Variants in SCOC observed in about 807,000 individuals in gnomAD.
SCOC encodes the protein short coiled-coil protein.
In SCOC, 7 loss-of-function variants were observed where a neutral mutation model predicts 9.9. That is an observed-to-expected ratio of 0.71 (90% CI 0.40 to 1.33). The LOEUF is 1.33. Ranked by LOEUF, SCOC falls within the 40% of genes most tolerant of loss-of-function variation. The pLI is 0.01. For synonymous variants in SCOC, 19 were observed against 28.2 expected, an observed-to-expected ratio of 0.67 and a Z score of 1.03; for missense variants, 66 against 89.7, an observed-to-expected ratio of 0.74 and a Z score of 1.07.
chr4:140,377,936 A>G (rs139705137), intron 1 of SCOC, among the ~76,000 whole-genome samples: 61 of 152,332 alleles, frequency 4.0e-4, no homozygotes, highest in African/African-American at 1.4e-3. Context: ...GCTTCAATGT[A>G]GTAGATTAGA....
intron 1 of SCOC, among the ~76,000 whole-genome samples, chr4:140,320,065 T>A (rs115924197): frequency 1.3e-5 from 2 of 152,162 alleles, no homozygotes; most frequent in South Asian, 2.1e-4. Context: ...TGTTCCCAGA[T>A]GGTTAGGCAT....
intron 1 of SCOC, among the ~76,000 whole-genome samples, chr4:140,299,294 A>G (rs1731745600): frequency 6.6e-6 from 1 of 152,240 alleles, no homozygotes; most frequent in Non-Finnish European, 1.5e-5. Flanking sequence ...AAAGTGTGGT[A>G]AAGCATAGGC....
chr4:140,271,240 A>G (rs1457981957), intron 1 of SCOC, among the ~76,000 whole-genome samples: 9 of 152,174 alleles, frequency 5.9e-5, no homozygotes, highest in Non-Finnish European at 4.4e-5. Flanking sequence ...GTGGGTCTTG[A>G]AAGTTGGATA....
intron 2 of SCOC, among the ~76,000 whole-genome samples, chr4:140,358,984 T>A (rs1337927462): frequency 1.3e-5 from 2 of 152,250 alleles, no homozygotes; most frequent in Admixed American, 1.3e-4. Flanking sequence ...AACATGTATA[T>A]AACATATTTT....
rs1319323410 is a variant in SCOC, at chr4:140,383,388, AC to A, written c.*2287del. Reference sequence around the variant, plus strand: ...ACTGATAGGCAAATTATTTGCTCTCACCCTTGCTGCTGCCCATTTATAATGT... The same window carrying A: ...ACTGATAGGCAAATTATTTGCTCTCACCTTGCTGCTGCCCATTTATAATGT... On this transcript the variant is annotated 3_prime_UTR_variant, in exon 4 of 4. Transcript: ENST00000608372. 6.6e-6 allele frequency: 1 copy of A among 152,168 alleles called. No individual in the cohort carries two copies. The highest frequency in any genetic ancestry group is 1.5e-5 in the Non-Finnish European group (1 of 68,022). The allele number at this position is 152,168 out of a possible 1,614,324, so 9.4% of individuals were successfully genotyped here.
At chr4:140,284,374 A>G (rs947458993) in intron 1 of SCOC, 1 of 152,182 alleles carries the variant, frequency 6.6e-6, no homozygotes, top group Non-Finnish European at 1.5e-5. Context: ...TGAGGCTGGG[A>G]AATTCACGGG....
intron 1 of SCOC, among the ~76,000 whole-genome samples, chr4:140,329,295 C>T (rs1442854933): frequency 6.6e-6 from 1 of 152,124 alleles, no homozygotes; most frequent in Non-Finnish European, 1.5e-5. Context: ...ATACAAAAAT[C>T]GACTCAAGGT....
chr4:140,307,131 C>A (rs1304146774), intron 1 of SCOC, among the ~76,000 whole-genome samples: 2 of 152,188 alleles, frequency 1.3e-5, no homozygotes, highest in Non-Finnish European at 2.9e-5. Context: ...AGCAGACCCT[C>A]ACCAGACATC....
At chr4:140,354,414 C>T (rs967851404) in intron 2 of SCOC, among the ~76,000 whole-genome samples, 8 of 151,564 alleles carry the variant, frequency 5.3e-5, no homozygotes, top group Admixed American at 2.0e-4. Context: ...CTAACCGCTA[C>T]ATTTCTCAGC....
intron 1 of SCOC, among the ~76,000 whole-genome samples, chr4:140,262,891 A>C (rs1307974043): frequency 6.6e-6 from 1 of 152,080 alleles, no homozygotes; most frequent in Non-Finnish European, 1.5e-5. Flanking sequence ...GACTTCTATC[A>C]GGAAACAGCC....
intron 1 of SCOC, chr4:140,293,475 T>G: frequency 2.3e-6 from 1 of 443,804 alleles, no homozygotes. Context: ...GAGATGGAAA[T>G]GCCGGTCTGA....
chr4:140,333,600 C>G (rs1364258295), intron 1 of SCOC, among the ~76,000 whole-genome samples: 1 of 152,042 alleles, frequency 6.6e-6, no homozygotes, highest in Non-Finnish European at 1.5e-5. Flanking sequence ...AACTTATATA[C>G]TGACTAAAAG....
intron 1 of SCOC, among the ~76,000 whole-genome samples, chr4:140,332,359 CTTTTTTTTTTTTT>C (rs70943486): frequency 7.8e-5 from 6 of 76,778 alleles, no homozygotes; most frequent in African/African-American, 1.6e-4. Flanking sequence ...CTGGAGTCAT[CTTTTTTTTTTTTT>C]TTTTTTTTTT....
intron 1 of SCOC, among the ~76,000 whole-genome samples, chr4:140,310,462 A>G (rs1732118943): frequency 6.6e-6 from 1 of 152,148 alleles, no homozygotes; most frequent in African/African-American, 2.4e-5. Flanking sequence ...TAAATTCTGA[A>G]GAACAATAAA....
intron 1 of SCOC, among the ~76,000 whole-genome samples, chr4:140,281,380 C>T (rs185568272): frequency 6.6e-6 from 1 of 152,258 alleles, no homozygotes; most frequent in African/African-American, 2.4e-5. Context: ...GATTGAAAGA[C>T]TGATTTCTGG....
chr4:140,270,900 T>G (rs1392669704), intron 1 of SCOC, among the ~76,000 whole-genome samples: 1 of 152,122 alleles, frequency 6.6e-6, no homozygotes, highest in Non-Finnish European at 1.5e-5. Flanking sequence ...AAAGTTGAAA[T>G]CCTGAGAAGT....
intron 2 of SCOC, chr4:140,366,602 C>A (rs1296850885): frequency 1.9e-6 from 3 of 1,606,104 alleles, no homozygotes; most frequent in Non-Finnish European, 2.6e-6. Flanking sequence ...CGTGTGGCTG[C>A]CCATTTTGTA....
chr4:140,288,516 C>G (rs757280001), intron 1 of SCOC, among the ~76,000 whole-genome samples: 1 of 151,934 alleles, frequency 6.6e-6, no homozygotes, highest in Admixed American at 6.6e-5. Flanking sequence ...CACACATACA[C>G]AAATCCTCCT....
intron 1 of SCOC, among the ~76,000 whole-genome samples, chr4:140,302,749 AC>A (rs1467560796): frequency 2.6e-5 from 4 of 152,224 alleles, no homozygotes; most frequent in African/African-American, 9.6e-5. Flanking sequence ...AATATCAAGA[AC>A]ATTATCAAGG....
Sources: allele counts gnomAD v4.1 joint callset (sites outside exome capture counted in the v4.1 genomes callset), GRCh38; gene constraint gnomAD v4.1.1; transcripts MANE v1.5; gene names NCBI Gene and HGNC (gene_info 2026-07-23, HGNC 2026-07-21).